The following CREBL2 variants were observed in gnomAD, a reference collection of about 807,000 sequenced individuals.
The protein encoded by CREBL2 is cAMP responsive element binding protein like 2, also known as cAMP-responsive element-binding protein-like 2.
Under a neutral mutation model 19.5 loss-of-function variants are expected in CREBL2, and 4 were observed. That is an observed-to-expected ratio of 0.20 (90% CI 0.10 to 0.47). CREBL2 has a LOEUF of 0.47. Ranked by LOEUF, CREBL2 falls within the 20% of genes least tolerant of loss-of-function variation. The pLI, the probability that CREBL2 is intolerant of heterozygous loss-of-function variation, is 0.98. For synonymous variants in CREBL2, 42 were observed against 46.6 expected (o/e 0.90, Z 0.40); for missense variants, 85 against 145.1 (o/e 0.59, Z 2.13).
intron 1 of CREBL2, among the ~76,000 whole-genome samples, chr12:12,623,271 A>C (rs59068275): frequency 6.6e-6 from 1 of 152,236 alleles, no homozygotes; most frequent in East Asian, 1.9e-4. Flanking sequence ...ATGGGGTTGC[A>C]AAAGAAGTAG....
At chr12:12,613,761 C>T (rs1945285458) in intron 1 of CREBL2, among the ~76,000 whole-genome samples, 2 of 151,990 alleles carry the variant, frequency 1.3e-5, no homozygotes, top group South Asian at 4.1e-4. Context: ...AGAATCTTGC[C>T]CTTGTTTGTT....
intron 2 of CREBL2, among the ~76,000 whole-genome samples, 156 bp from the exon 3 acceptor site, chr12:12,637,414 C>T (rs781361341): frequency 6.6e-6 from 1 of 151,984 alleles, no homozygotes; most frequent in African/African-American, 2.4e-5. Flanking sequence ...TAGGTAATAC[C>T]ATGGAGGGTG....
chr12:12,612,259 T>C lies in CREBL2; in HGVS notation c.15+72T>C, dbSNP rs1052519339. On this transcript the variant is annotated intron_variant, in intron 1 of 3. Coordinates refer to ENST00000228865, the MANE Select transcript of CREBL2 (RefSeq NM_001310.4). ...GCTAGTCCCGCGGCTGAACCTCCGC[T>C]ATGTAGTCCACGCCAACACCCAAGA... 5.6e-6 allele frequency: 9 copies of C among 1,611,178 alleles called. No individual in the cohort carries two copies. In the African/African-American group the frequency reaches 1.2e-4, roughly 22 times the overall value.
At chr12:12,641,246 TATTA>T (rs1566116881) in intron 3 of CREBL2, among the ~76,000 whole-genome samples, 3 of 52,220 alleles carry the variant, frequency 5.7e-5, no homozygotes, top group African/African-American at 1.8e-4. Context: ...TTATTATTAT[TATTA>T]TTATTTTTTT....
intron 1 of CREBL2, among the ~76,000 whole-genome samples, chr12:12,633,104 G>A (rs1054386934): frequency 1.4e-4 from 21 of 151,156 alleles, no homozygotes; most frequent in African/African-American, 1.7e-4. Flanking sequence ...GCCCGGCTAA[G>A]TTTTGTATTT....
intron 1 of CREBL2, among the ~76,000 whole-genome samples, chr12:12,634,070 T>C (rs1945458296): frequency 6.6e-6 from 1 of 152,246 alleles, no homozygotes; most frequent in Non-Finnish European, 1.5e-5. Flanking sequence ...TAAAGAATAG[T>C]GTATAGTTCT....
chr12:12,622,547 G>A (rs1389518005), intron 1 of CREBL2, among the ~76,000 whole-genome samples: 2 of 152,158 alleles, frequency 1.3e-5, no homozygotes, highest in Non-Finnish European at 2.9e-5. Context: ...GGGGATAGGG[G>A]TTGAGAGAGG....
intron 1 of CREBL2, among the ~76,000 whole-genome samples, 162 bp from the exon 2 acceptor site, chr12:12,635,615 G>A (rs554948038): frequency 7.3e-4 from 111 of 152,204 alleles, no homozygotes; most frequent in African/African-American, 2.6e-3. Context: ...AAATAAATTA[G>A]GGAAAGACCC....
chr12:12,623,974 C>G (rs1198497349), intron 1 of CREBL2, among the ~76,000 whole-genome samples: 1 of 152,188 alleles, frequency 6.6e-6, no homozygotes, highest in East Asian at 1.9e-4. Flanking sequence ...CCACCAGAAG[C>G]TGGAGAGGCA....
chr12:12,632,068 C>CTTTTTTTTTTTTTTTTTTTT (rs869253910), intron 1 of CREBL2, among the ~76,000 whole-genome samples: 2 of 80,598 alleles, frequency 2.5e-5, no homozygotes, highest in African/African-American at 5.2e-5. Context: ...CTATGCCTTT[C>CTTTTTTTTTTTTTTTTTTTT]TTTTTTTTTT....
chr12:12,616,721 G>A (rs1031660414), intron 1 of CREBL2, among the ~76,000 whole-genome samples: 1 of 152,126 alleles, frequency 6.6e-6, no homozygotes, highest in Admixed American at 6.5e-5. Flanking sequence ...TGTCCTCCTA[G>A]TATATACAGA....
chr12:12,612,020 ACT>A lies in CREBL2; in HGVS notation c.-150_-149del. On this transcript the variant is annotated 5_prime_UTR_variant, in exon 1 of 4. Transcript: ENST00000228865. ...CCTGAACTGGTCCCTCGTCCCCGTG[ACT>A]CTGGCATCAGGGAAGCGAACTGTTA... 1.1e-6 allele frequency: 1 copy of A among 900,062 alleles called. No individual in the cohort carries two copies. Among genetic ancestry groups the A allele is most frequent in the Non-Finnish European group, 1.7e-6 (1 of 582,746 alleles). The allele number at this position is 900,062 out of a possible 1,614,324, so 55.8% of individuals were successfully genotyped here.
In CREBL2 at chr12:12,611,980, G is replaced by T. The variant is rs931966137; in HGVS notation, c.-193G>T. On this transcript the variant is annotated 5_prime_UTR_variant, in exon 1 of 4. Transcript: ENST00000228865. ...GGAGGCGTTTGGGGCCGCCTCCAGGGTCCGCTCTGCCATTCCTGAACTGGT... is the reference window on the plus strand; with the variant it reads ...GGAGGCGTTTGGGGCCGCCTCCAGGTTCCGCTCTGCCATTCCTGAACTGGT... The T allele has an allele frequency of 9.3e-6, 6 of 642,384 alleles. No individual in the cohort carries two copies. Among genetic ancestry groups the T allele is most frequent in the African/African-American group, 5.5e-5 (3 of 54,080 alleles). 39.8% of individuals were successfully genotyped at this position (642,384 alleles called of 1,614,324 possible). A position where few individuals can be genotyped will look rare whatever the true frequency, so the allele number is the denominator to read the frequency against.
At chr12:12,619,116 TC>T (rs1354339290) in intron 1 of CREBL2, among the ~76,000 whole-genome samples, 1 of 151,806 alleles carries the variant, frequency 6.6e-6, no homozygotes, top group African/African-American at 2.4e-5. Flanking sequence ...TTTTAGTAAT[TC>T]TTAAGTATAT....
chr12:12,613,962 T>A, intron 1 of CREBL2, among the ~76,000 whole-genome samples: 1 of 146,674 alleles, frequency 6.8e-6, no homozygotes. Flanking sequence ...GGAGGGGACA[T>A]CACACTTCTT....
chr12:12,615,150 G>GA (rs1413461321), intron 1 of CREBL2, among the ~76,000 whole-genome samples: 1 of 152,140 alleles, frequency 6.6e-6, no homozygotes, highest in Non-Finnish European at 1.5e-5. Context: ...GAGTAGCTGG[G>GA]ATTACAGGTG....
intron 1 of CREBL2, chr12:12,632,601 T>C (rs1945449583): frequency 1.3e-5 from 2 of 152,144 alleles, no homozygotes; most frequent in African/African-American, 4.8e-5. Flanking sequence ...GGTATTGGAT[T>C]ATAGTGTTGT....
At chr12:12,618,068 G>T (rs745832695) in intron 1 of CREBL2, among the ~76,000 whole-genome samples, 2 of 152,162 alleles carry the variant, frequency 1.3e-5, no homozygotes, top group African/African-American at 2.4e-5. Context: ...TGTCTACTTC[G>T]TTCTACACAG....
chr12:12,641,255 T>TATTA lies in CREBL2; in HGVS notation c.359-739_359-738insATTA, dbSNP rs1482770108. 3.3e-3 allele frequency among the ~76,000 whole-genome samples: 308 copies of TATTA among 93,504 alleles called. 1 individual carries two copies. The highest frequency in any genetic ancestry group is 0.01 in the African/African-American group (260 of 25,468). 61.3% of individuals were successfully genotyped at this position (93,504 alleles called of 152,430 possible). On this transcript the variant is annotated intron_variant, in intron 3 of 3. Transcript: ENST00000228865. ...TTATTATTATTATTATTATTATTATTTTTTTTTATTTTTTTTTTTTTTAGG... is the reference window on the plus strand; with the variant it reads ...TTATTATTATTATTATTATTATTATTATTATTTTTTTATTTTTTTTTTTTTTAGG...
Sources: gnomAD v4.1 joint callset for allele counts (sites outside exome capture counted in the v4.1 genomes callset) on GRCh38, gnomAD v4.1.1 for gene constraint, MANE v1.5 for transcripts, NCBI Gene and HGNC (gene_info 2026-07-23, HGNC 2026-07-21) for gene names.